The following PLD5 variants were observed in gnomAD, a reference collection of about 807,000 sequenced individuals.
PLD5 encodes phospholipase D family member 5, also known as inactive phospholipase D5.
A neutral mutation model predicts 61.1 loss-of-function variants in PLD5; 36 were observed. That is an observed-to-expected ratio of 0.59 (90% CI 0.45 to 0.78). The LOEUF (loss-of-function observed/expected upper bound fraction) is 0.78, where lower values mean the gene tolerates loss of function less well. Ranked by LOEUF, PLD5 falls within the 30% of genes least tolerant of loss-of-function variation. The pLI is 0.00. For synonymous variants in PLD5, 243 were observed against 242.8 expected (o/e 1.00, Z -0.01); for missense variants, 515 against 644.4 (o/e 0.80, Z 2.17).
At chr1:242,271,113 G>T (rs1446294546) in intron 3 of PLD5, among the ~76,000 whole-genome samples, 1 of 151,574 alleles carries the variant, frequency 6.6e-6, no homozygotes. Flanking sequence ...TATGGCCATT[G>T]TTGAAGCCTG....
At chr1:242,206,943 T>C (rs1669354410) in intron 5 of PLD5, among the ~76,000 whole-genome samples, 1 of 152,172 alleles carries the variant, frequency 6.6e-6, no homozygotes, top group Admixed American at 6.5e-5. Context: ...GGGCTGTAAG[T>C]TCAAAATCTG....
intron 1 of PLD5, among the ~76,000 whole-genome samples, chr1:242,431,945 A>G (rs918201405): frequency 6.6e-6 from 1 of 152,238 alleles, no homozygotes; most frequent in Non-Finnish European, 1.5e-5. Flanking sequence ...TGACAGTCAC[A>G]GGAATCCTAC....
At chr1:242,522,550 A>G (rs937364754) in intron 1 of PLD5, among the ~76,000 whole-genome samples, 1 of 152,256 alleles carries the variant, frequency 6.6e-6, no homozygotes, top group Non-Finnish European at 1.5e-5. Context: ...AAACTGCAAA[A>G]GAACATACAT....
intron 5 of PLD5, among the ~76,000 whole-genome samples, chr1:242,212,933 G>C (rs564240862): frequency 4.6e-5 from 7 of 152,186 alleles, no homozygotes; most frequent in Non-Finnish European, 1.0e-4. Context: ...ATTACAGAAA[G>C]CCCATGAATT....
intron 4 of PLD5, among the ~76,000 whole-genome samples, chr1:242,264,113 G>GA (rs71297743): frequency 0.015 from 2,156 of 141,384 alleles, 63 homozygotes; most frequent in African/African-American, 0.052. Context: ...CAATTCCTCA[G>GA]AAAAAAAAAA....
intron 5 of PLD5, among the ~76,000 whole-genome samples, chr1:242,173,538 T>G (rs1285201570): frequency 6.6e-6 from 1 of 152,028 alleles, no homozygotes; most frequent in East Asian, 1.9e-4. Flanking sequence ...TTCACAGAAT[T>G]GGAAAAAATT....
chr1:242,266,457 G>T (rs1673678816), intron 3 of PLD5, among the ~76,000 whole-genome samples: 1 of 152,134 alleles, frequency 6.6e-6, no homozygotes, highest in African/African-American at 2.4e-5. Context: ...TTAATCTCAG[G>T]CAGACTGAAT....
At chr1:242,459,313 G>A (rs1034812352) in intron 1 of PLD5, among the ~76,000 whole-genome samples, 2 of 152,156 alleles carry the variant, frequency 1.3e-5, no homozygotes, top group Non-Finnish European at 1.5e-5. Flanking sequence ...AGATTTTTGA[G>A]GCCTCTCAAG....
chr1:242,253,900 T>G (rs944397766), intron 4 of PLD5, among the ~76,000 whole-genome samples: 7 of 152,218 alleles, frequency 4.6e-5, no homozygotes, highest in Non-Finnish European at 8.8e-5. Flanking sequence ...TGTGAAAGTT[T>G]AAACACATTG....
intron 5 of PLD5, among the ~76,000 whole-genome samples, chr1:242,130,765 A>T (rs538847605): frequency 6.6e-6 from 1 of 152,338 alleles, no homozygotes; most frequent in Non-Finnish European, 1.5e-5. Flanking sequence ...TCAATCACAC[A>T]GTTGATTTAT....
At chr1:242,456,879 C>A (rs539184953) in intron 1 of PLD5, among the ~76,000 whole-genome samples, 2 of 152,166 alleles carry the variant, frequency 1.3e-5, no homozygotes, top group African/African-American at 4.8e-5. Flanking sequence ...CCCGACACTG[C>A]GTCCGTAACA....
At chr1:242,324,685 C>T (rs1391037903) in intron 2 of PLD5, among the ~76,000 whole-genome samples, 1 of 152,130 alleles carries the variant, frequency 6.6e-6, no homozygotes, top group Non-Finnish European at 1.5e-5. Context: ...CAGCCAGAGG[C>T]CAAAAGATTC....
chr1:242,119,609 T>A (rs1662215553), intron 6 of PLD5, among the ~76,000 whole-genome samples: 1 of 152,180 alleles, frequency 6.6e-6, no homozygotes, highest in African/African-American at 2.4e-5. Context: ...TTAGAAGATT[T>A]AAATCAAAAC....
chr1:242,242,734 C>T (rs1243415495), intron 4 of PLD5, among the ~76,000 whole-genome samples: 1 of 152,194 alleles, frequency 6.6e-6, no homozygotes. Flanking sequence ...AGAATAACAC[C>T]TATTAGTTGG....
intron 4 of PLD5, among the ~76,000 whole-genome samples, chr1:242,223,958 A>G (rs1177127059): frequency 6.6e-6 from 1 of 152,158 alleles, no homozygotes; most frequent in African/African-American, 2.4e-5. Flanking sequence ...CTTTTAGAAT[A>G]TATCTGTTTG....
intron 8 of PLD5, among the ~76,000 whole-genome samples, chr1:242,101,708 A>C (rs930867297): frequency 6.6e-6 from 1 of 152,222 alleles, no homozygotes; most frequent in Non-Finnish European, 1.5e-5. Flanking sequence ...AGGAGATGTC[A>C]TTTACAGTTT....
chr1:242,191,358 G>A (rs930797450), intron 5 of PLD5, among the ~76,000 whole-genome samples: 1 of 152,192 alleles, frequency 6.6e-6, no homozygotes, highest in African/African-American at 2.4e-5. Context: ...GGCCATGGCA[G>A]GTGGATCACT....
intron 8 of PLD5, among the ~76,000 whole-genome samples, 172 bp downstream of exon 8, chr1:242,107,499 C>G (rs556705425): frequency 2.8e-5 from 1 of 35,816 alleles, no homozygotes; most frequent in African/African-American, 2.4e-4. Context: ...AACATGAGCT[C>G]TACTCTTTTT....
intron 1 of PLD5, among the ~76,000 whole-genome samples, chr1:242,358,659 C>T (rs1197251584): frequency 4.0e-5 from 6 of 151,846 alleles, no homozygotes; most frequent in African/African-American, 1.5e-4. Flanking sequence ...GAATATACTG[C>T]TATCTGGACT....
Sources: allele counts gnomAD v4.1 joint callset (sites outside exome capture counted in the v4.1 genomes callset), GRCh38; gene constraint gnomAD v4.1.1; transcripts MANE v1.5; gene names NCBI Gene and HGNC (gene_info 2026-07-23, HGNC 2026-07-21).